CAMTA1: variants seen among roughly 807,000 people sequenced by gnomAD.
CAMTA1 encodes calmodulin-binding transcription activator 1.
CAMTA1 carries 27 observed loss-of-function variants against 170.9 expected under a neutral mutation model. The observed-to-expected ratio is 0.16, with a 90% CI of 0.12 to 0.22. The LOEUF (loss-of-function observed/expected upper bound fraction) is 0.22, where lower values mean the gene tolerates loss of function less well. Among genes scored for constraint, CAMTA1 ranks in the 10% least tolerant of loss-of-function variants. The pLI, the probability that CAMTA1 is intolerant of heterozygous loss-of-function variation, is 1.00. For synonymous variants in CAMTA1, 833 were observed against 891.5 expected, an observed-to-expected ratio of 0.93 and a Z score of 1.17; for missense variants, 1,619 against 2,217.2, an observed-to-expected ratio of 0.73 and a Z score of 5.42.
intron 19 of CAMTA1, chr1:7,750,916 A>C (rs1224520754): frequency 7.2e-6 from 4 of 553,072 alleles, no homozygotes; most frequent in Non-Finnish European, 1.3e-5. Context: ...TAAACGTCTA[A>C]GGGTATTGCT....
chr1:6,987,506 T>G (rs1695562643), intron 3 of CAMTA1, among the ~76,000 whole-genome samples: 2 of 152,172 alleles, frequency 1.3e-5, no homozygotes, highest in African/African-American at 4.8e-5. Context: ...CTGGCATTGC[T>G]ATTATTTAAG....
At chr1:7,180,889 T>A (rs1265381471) in intron 4 of CAMTA1, among the ~76,000 whole-genome samples, 1 of 152,216 alleles carries the variant, frequency 6.6e-6, no homozygotes, top group East Asian at 1.9e-4. Context: ...GTTTTCTAAG[T>A]CTTTCTTGAA....
chr1:6,925,506 G>T (rs1479954727), intron 3 of CAMTA1, among the ~76,000 whole-genome samples: 1 of 152,182 alleles, frequency 6.6e-6, no homozygotes, highest in African/African-American at 2.4e-5. Flanking sequence ...TGTTGAGGCT[G>T]TGCTCGATCT....
intron 6 of CAMTA1, among the ~76,000 whole-genome samples, chr1:7,542,262 G>A (rs972747172): frequency 8.3e-6 from 1 of 120,534 alleles, no homozygotes; most frequent in African/African-American, 2.6e-5. Context: ...CTGCCAGTTT[G>A]TTGTTGTTGT....
intron 3 of CAMTA1, among the ~76,000 whole-genome samples, chr1:7,031,619 A>G (rs1244335074): frequency 6.6e-6 from 1 of 152,120 alleles, no homozygotes; most frequent in Non-Finnish European, 1.5e-5. Flanking sequence ...GGTTCACTGC[A>G]ACCTCCGCCT....
intron 3 of CAMTA1, chr1:7,008,668 A>G (rs1411498495): frequency 6.6e-6 from 1 of 152,176 alleles, no homozygotes; most frequent in Non-Finnish European, 1.5e-5. Context: ...TAAATTTCAT[A>G]AGGCGTTGGG....
At chr1:7,420,983 G>A (rs2091523174) in intron 5 of CAMTA1, among the ~76,000 whole-genome samples, 1 of 152,158 alleles carries the variant, frequency 6.6e-6, no homozygotes, top group African/African-American at 2.4e-5. Context: ...CTCAGGGGAG[G>A]CCTCCCTGGG....
intron 7 of CAMTA1, among the ~76,000 whole-genome samples, chr1:7,655,383 C>T (rs2095888453): frequency 6.8e-6 from 1 of 146,818 alleles, no homozygotes; most frequent in South Asian, 2.2e-4. Flanking sequence ...TATACACACA[C>T]ACGTATGCAC....
At chr1:6,945,417 C>T (rs184311361) in intron 3 of CAMTA1, among the ~76,000 whole-genome samples, 109 of 152,130 alleles carry the variant, frequency 7.2e-4, no homozygotes, top group Non-Finnish European at 1.2e-3. Flanking sequence ...GGTACAATCA[C>T]GGCTCACTGC....
chr1:7,075,362 A>G (rs897333770), intron 3 of CAMTA1, among the ~76,000 whole-genome samples: 2 of 152,226 alleles, frequency 1.3e-5, no homozygotes, highest in Non-Finnish European at 2.9e-5. Context: ...TCAGGAAACA[A>G]TGTTACCTAT....
At chr1:7,668,433 C>CACACA (rs36054481) in intron 9 of CAMTA1, among the ~76,000 whole-genome samples, 127 of 114,870 alleles carry the variant, frequency 1.1e-3, no homozygotes, top group African/African-American at 3.5e-3. Context: ...ACACACACAC[C>CACACA]CACCACACAC....
chr1:7,482,964 G>A lies in CAMTA1; in HGVS notation c.510+15063G>A, dbSNP rs1053777161. Among the ~76,000 whole-genome samples, 1 of 152,142 alleles carries A rather than the reference G, an allele frequency of 6.6e-6. No individual in the cohort carries two copies. The highest frequency in any genetic ancestry group is 1.9e-4 in the East Asian group (1 of 5,166). ...CCAGGCCCCACCCCATGTCATCCCA[G>A]GGTGAGCCTGGAGCCAGTGCCAGCC... On this transcript the variant is annotated intron_variant, in intron 6 of 22. Coordinates refer to ENST00000303635, the MANE Select transcript of CAMTA1 (RefSeq NM_015215.4). This position sits in a 1 kb window ranked among gnomAD's most constrained non-coding sequence, Gnocchi z 4.2.
chr1:7,732,623 G>C lies in CAMTA1; in HGVS notation c.3066+24G>C, dbSNP rs912309081. ...AGGTACGAGGCGGTGCTGATGCTCAGCTCCCATTTCGCTTCATGTTTATGG... is the reference window on the plus strand; with the variant it reads ...AGGTACGAGGCGGTGCTGATGCTCACCTCCCATTTCGCTTCATGTTTATGG... On this transcript the variant is annotated intron_variant, in intron 12 of 22. Coordinates refer to ENST00000303635, the MANE Select transcript of CAMTA1 (RefSeq NM_015215.4). This position sits in a 1 kb window ranked among gnomAD's most constrained non-coding sequence, Gnocchi z 4.1. 2 of 1,559,740 alleles carry C rather than the reference G, an allele frequency of 1.3e-6. No individual in the cohort carries two copies. Among genetic ancestry groups the C allele is most frequent in the Non-Finnish European group, 8.7e-7 (1 of 1,152,560 alleles).
intron 5 of CAMTA1, among the ~76,000 whole-genome samples, chr1:7,348,426 G>T (rs2084387200): frequency 6.6e-6 from 1 of 152,190 alleles, no homozygotes; most frequent in African/African-American, 2.4e-5. Flanking sequence ...TTGGATTGAT[G>T]GTCCTGGGGG....
chr1:6,963,176 A>G (rs2149533118), intron 3 of CAMTA1, among the ~76,000 whole-genome samples: 1 of 144,318 alleles, frequency 6.9e-6, no homozygotes, highest in African/African-American at 2.6e-5. Context: ...TCCAGCCTCC[A>G]TCTCTTTTGG....
intron 5 of CAMTA1, among the ~76,000 whole-genome samples, chr1:7,416,293 C>T (rs534917157): frequency 9.2e-5 from 14 of 152,066 alleles, no homozygotes; most frequent in Middle Eastern, 6.8e-3. Context: ...TTTCCTGAAT[C>T]TGAATGTTGG....
At chr1:7,623,528 A>G (rs1009042826) in intron 6 of CAMTA1, among the ~76,000 whole-genome samples, 2 of 152,210 alleles carry the variant, frequency 1.3e-5, no homozygotes, top group African/African-American at 4.8e-5. Context: ...GTCACTAAGA[A>G]GGCACCTCGC....
chr1:7,481,559 C>A (rs935928303), intron 6 of CAMTA1, among the ~76,000 whole-genome samples: 25 of 152,188 alleles, frequency 1.6e-4, no homozygotes. Flanking sequence ...GTTCCTCCCT[C>A]CCCAGCATTT....
At chr1:7,314,054 A>G (rs564333362) in intron 5 of CAMTA1, among the ~76,000 whole-genome samples, 1 of 152,328 alleles carries the variant, frequency 6.6e-6, no homozygotes, top group Non-Finnish European at 1.5e-5. Context: ...GATTATTTGC[A>G]AAGGCAGAAA....
Sources: gnomAD v4.1 joint callset for allele counts (sites outside exome capture counted in the v4.1 genomes callset) on GRCh38, gnomAD v4.1.1 for gene constraint, Gnocchi (gnomAD v3.1) non-coding constraint, MANE v1.5 for transcripts, NCBI Gene and HGNC (gene_info 2026-07-23, HGNC 2026-07-21) for gene names.